The following WWOX variants were observed in gnomAD, a reference collection of about 807,000 sequenced individuals.
WWOX encodes the protein WW domain containing oxidoreductase, also known as WW domain-containing oxidoreductase.
WWOX carries 69 observed loss-of-function variants against 46.2 expected under a neutral mutation model. The observed-to-expected ratio is 1.49, with a 90% CI of 1.23 to 1.82. WWOX has a LOEUF of 1.82. Ranked by LOEUF, WWOX falls within the 40% of genes most tolerant of loss-of-function variation. WWOX has a pLI of 0.00. For missense variants in WWOX, 919 were observed against 542.6 expected (o/e 1.69, Z -6.89); for synonymous variants, 359 against 202.6 (o/e 1.77, Z -6.56).
intron 8 of WWOX, among the ~76,000 whole-genome samples, chr16:78,931,781 T>C (rs1442618037): frequency 6.6e-6 from 1 of 152,206 alleles, no homozygotes; most frequent in Non-Finnish European, 1.5e-5. Context: ...CCACTTGATA[T>C]GGTTTAGCTG....
chr16:78,936,127 G>A (rs2045732408), intron 8 of WWOX, among the ~76,000 whole-genome samples: 1 of 152,038 alleles, frequency 6.6e-6, no homozygotes, highest in African/African-American at 2.4e-5. Context: ...GATGAGTTTT[G>A]GTCTGGGAAC....
intron 4 of WWOX, among the ~76,000 whole-genome samples, chr16:78,157,712 C>T (rs1314215486): frequency 6.6e-6 from 1 of 152,176 alleles, no homozygotes; most frequent in African/African-American, 2.4e-5. Context: ...AGTCCATATT[C>T]AGACAAACGG....
At chr16:78,913,970 A>T (rs534109753) in intron 8 of WWOX, among the ~76,000 whole-genome samples, 1 of 151,958 alleles carries the variant, frequency 6.6e-6, no homozygotes, top group Non-Finnish European at 1.5e-5. Context: ...CCATACTGCT[A>T]TTCCAGACAA....
chr16:78,550,379 C>T (rs1026107350), intron 8 of WWOX, among the ~76,000 whole-genome samples: 3 of 152,150 alleles, frequency 2.0e-5, no homozygotes, highest in African/African-American at 7.2e-5. Flanking sequence ...AGTGAAAGCA[C>T]ATAGATAATC....
chr16:78,613,482 G>A lies in WWOX; in HGVS notation c.1056+180730G>A, dbSNP rs116839784. Among the ~76,000 whole-genome samples, 406 of 152,218 alleles carry A rather than the reference G, an allele frequency of 2.7e-3. 2 individuals carry two copies. Among genetic ancestry groups the A allele is most frequent in the African/African-American group, 9.2e-3 (383 of 41,536 alleles). On this transcript the variant is annotated intron_variant, in intron 8 of 8. Coordinates refer to ENST00000566780, the MANE Select transcript of WWOX (RefSeq NM_016373.4). ...CTCTGGCAGAATCGCTGTCCTGCCA[G>A]TTTCCTCTCCCCCTTACAAGGGACA...
intron 8 of WWOX, among the ~76,000 whole-genome samples, chr16:78,835,542 A>G (rs760376655): frequency 3.3e-5 from 5 of 152,232 alleles, no homozygotes; most frequent in Non-Finnish European, 5.9e-5. Flanking sequence ...GCACTTAAGA[A>G]TGTTCACACA....
intron 6 of WWOX, among the ~76,000 whole-genome samples, chr16:78,411,376 G>A (rs1489819095): frequency 1.3e-5 from 2 of 152,104 alleles, no homozygotes; most frequent in Non-Finnish European, 1.5e-5. Context: ...GTTGATTAGA[G>A]GGAAATTTTC....
chr16:78,301,772 C>T (rs1177698220), intron 5 of WWOX, among the ~76,000 whole-genome samples: 4 of 152,136 alleles, frequency 2.6e-5, no homozygotes, highest in Non-Finnish European at 5.9e-5. Context: ...AGCACAGATG[C>T]ACTGGGTAAC....
intron 8 of WWOX, among the ~76,000 whole-genome samples, chr16:79,068,958 G>A (rs946717713): frequency 7.2e-5 from 11 of 152,144 alleles, no homozygotes; most frequent in African/African-American, 2.4e-4. Context: ...ACATTTCACA[G>A]TTGTCTTACG....
chr16:78,471,544 C>G (rs906974862), intron 8 of WWOX, among the ~76,000 whole-genome samples: 3 of 152,206 alleles, frequency 2.0e-5, no homozygotes, highest in Admixed American at 6.5e-5. Flanking sequence ...GATCTCAGAA[C>G]TTTACATCCT....
intron 8 of WWOX, among the ~76,000 whole-genome samples, chr16:78,659,641 C>T (rs536707375): frequency 2.0e-5 from 3 of 152,188 alleles, no homozygotes; most frequent in Admixed American, 2.0e-4. Flanking sequence ...CTGCCTCCAT[C>T]GGAGCGAGTT....
At position 78,419,607 on chromosome 16, in the gene WWOX, C is replaced by G. The variant is rs1414903655; in HGVS notation, c.606-5263C>G. Among the ~76,000 whole-genome samples the G allele has an allele frequency of 5.0e-5, 4 of 79,448 alleles. No homozygotes were observed. The East Asian group carries it at 1.5e-3, about 30-fold the overall frequency. 52.1% of individuals were successfully genotyped at this position (79,448 alleles called of 152,430 possible). A position where few individuals can be genotyped will look rare whatever the true frequency, so the allele number is the denominator to read the frequency against. On this transcript the variant is annotated intron_variant, in intron 6 of 8. Coordinates refer to ENST00000566780, the MANE Select transcript of WWOX (RefSeq NM_016373.4). Reference sequence around the variant, plus strand: ...TGAGATTAGATCACACTTGCATAAACTACACAGCAAAAAATAGCAAAAAAA... The same window carrying G: ...TGAGATTAGATCACACTTGCATAAAGTACACAGCAAAAAATAGCAAAAAAA...
chr16:78,355,733 A>T, intron 5 of WWOX: 1 of 720,920 alleles, frequency 1.4e-6, no homozygotes, highest in Admixed American at 1.9e-5. Flanking sequence ...TGATGAGGAA[A>T]CATATGAAGA....
intron 8 of WWOX, among the ~76,000 whole-genome samples, chr16:78,522,663 G>A (rs148393367): frequency 5.3e-5 from 8 of 152,360 alleles, no homozygotes; most frequent in African/African-American, 1.9e-4. Flanking sequence ...ATAAGTAATT[G>A]AGCAGATGAG....
intron 8 of WWOX, among the ~76,000 whole-genome samples, chr16:79,080,198 C>T (rs2048733699): frequency 6.6e-6 from 1 of 152,082 alleles, no homozygotes. Context: ...CCGTGGAATC[C>T]CACAGTGACA....
intron 8 of WWOX, among the ~76,000 whole-genome samples, chr16:78,647,372 C>T (rs1250815245): frequency 6.6e-6 from 1 of 152,168 alleles, no homozygotes; most frequent in African/African-American, 2.4e-5. Context: ...ACCTGGGAGA[C>T]TGGCTGCTGG....
intron 8 of WWOX, among the ~76,000 whole-genome samples, chr16:78,541,036 G>T (rs1597236632): frequency 1.3e-5 from 2 of 152,078 alleles, no homozygotes; most frequent in Non-Finnish European, 2.9e-5. Flanking sequence ...GGTGGCGTGG[G>T]TAGATACAAT....
At chr16:78,860,372 C>G (rs372643168) in intron 8 of WWOX, among the ~76,000 whole-genome samples, 1 of 152,286 alleles carries the variant, frequency 6.6e-6, no homozygotes, top group South Asian at 2.1e-4. Context: ...CTGTTCTGAG[C>G]ACCTCCCATT....
At chr16:78,769,413 A>G (rs1361010181) in intron 8 of WWOX, among the ~76,000 whole-genome samples, 1 of 152,050 alleles carries the variant, frequency 6.6e-6, no homozygotes, top group South Asian at 2.1e-4. Context: ...TGTCAAGCAC[A>G]TGTTGTAGCC....
Sources: gnomAD v4.1 joint callset for allele counts (sites outside exome capture counted in the v4.1 genomes callset) on GRCh38, gnomAD v4.1.1 for gene constraint, MANE v1.5 for transcripts, NCBI Gene and HGNC (gene_info 2026-07-23, HGNC 2026-07-21) for gene names.